Variants in MTHFD1L observed in about 807,000 individuals in gnomAD.
The protein encoded by MTHFD1L is monofunctional C1-tetrahydrofolate synthase, mitochondrial.
MTHFD1L carries 81 observed loss-of-function variants against 119.5 expected under a neutral mutation model. The ratio of observed to expected loss-of-function variants is 0.68; its 90% CI spans 0.57 to 0.82. MTHFD1L has a LOEUF of 0.82. MTHFD1L is among the 40% of genes least tolerant of loss of function. MTHFD1L has a pLI of 0.00. For missense variants in MTHFD1L, 1,125 were observed against 1,253.4 expected (o/e 0.90, Z 1.55); for synonymous variants, 430 against 475.2 (o/e 0.90, Z 1.24).
At chr6:151,067,039 G>C (rs576066092) in intron 26 of MTHFD1L, among the ~76,000 whole-genome samples, 1 of 149,052 alleles carries the variant, frequency 6.7e-6, no homozygotes, top group African/African-American at 2.5e-5. Flanking sequence ...TGTAGCCCAG[G>C]CTGGAGTGCA....
At chr6:150,908,007 C>G (rs1786222259) in intron 8 of MTHFD1L, among the ~76,000 whole-genome samples, 1 of 150,802 alleles carries the variant, frequency 6.6e-6, no homozygotes, top group African/African-American at 2.4e-5. Flanking sequence ...AGGTGATTCT[C>G]CTACCTCAGC....
chr6:150,977,870 G>T (rs1457215029), intron 20 of MTHFD1L, among the ~76,000 whole-genome samples: 3 of 151,358 alleles, frequency 2.0e-5, no homozygotes, highest in Non-Finnish European at 4.4e-5. Context: ...TTAAATATAG[G>T]TTCGTGCATA....
intron 21 of MTHFD1L, among the ~76,000 whole-genome samples, chr6:151,013,101 C>A (rs935309965): frequency 3.3e-5 from 5 of 152,220 alleles, no homozygotes; most frequent in African/African-American, 1.2e-4. Flanking sequence ...AACCACAAGG[C>A]CAGGCACAGT....
chr6:151,089,750 A>G (rs949202470), intron 26 of MTHFD1L, among the ~76,000 whole-genome samples: 2 of 152,224 alleles, frequency 1.3e-5, no homozygotes, highest in African/African-American at 4.8e-5. Flanking sequence ...TTGATGTTTC[A>G]AGTAGTAGAA....
chr6:151,068,871 G>A (rs1052815814), intron 26 of MTHFD1L, among the ~76,000 whole-genome samples: 1 of 152,148 alleles, frequency 6.6e-6, no homozygotes, highest in African/African-American at 2.4e-5. Flanking sequence ...AAAAATAGTA[G>A]CAGTACTCGT....
intron 7 of MTHFD1L, among the ~76,000 whole-genome samples, chr6:150,895,613 G>GTTTT (rs10630027): frequency 4.2e-4 from 56 of 134,438 alleles, no homozygotes; most frequent in African/African-American, 1.5e-3. Flanking sequence ...GTTTTTTGTG[G>GTTTT]TTTTTTTTTT....
At position 150,874,687 on chromosome 6, in the gene MTHFD1L, C is replaced by T. The variant is rs936226043; in HGVS notation, c.228-1403C>T. 1.4e-4 allele frequency among the ~76,000 whole-genome samples: 21 copies of T among 152,240 alleles called. No homozygotes were observed. In the East Asian group the frequency reaches 3.9e-3, roughly 28 times the overall value. On this transcript the variant is annotated intron_variant, in intron 1 of 27. Transcript: ENST00000367321. ...CCCAGTGCTCATGTGCTGCTGAGAA[C>T]ATATCATAGGGTGGTGGCGAAGGTA...
intron 26 of MTHFD1L, among the ~76,000 whole-genome samples, chr6:151,083,617 A>G (rs1057430011): frequency 6.6e-6 from 1 of 152,220 alleles, no homozygotes; most frequent in Non-Finnish European, 1.5e-5. Context: ...TTGTTTCACA[A>G]TTGTCTGTAT....
rs148480818 is a variant in MTHFD1L, at chr6:151,034,506, A to T, written c.2600A>T (p.Asp867Val). 1.9e-4 allele frequency: 305 copies of T among 1,610,156 alleles called. 1 individual carries two copies. In the East Asian group the frequency reaches 6.7e-3, roughly 35 times the overall value. Residue 867 changes from aspartate (D) to valine (V), a missense_variant, in exon 25 of 28, where the codon GAC becomes GTC. Asp to Val is a radical substitution (Grantham distance 152). Around this residue, in one of 3 missense-constraint regions of MTHFD1L, gnomAD observed 1,058 missense variants for 1,151.2 expected, o/e 0.92. Coordinates refer to ENST00000367321, the MANE Select transcript of MTHFD1L (RefSeq NM_015440.5). ...GTGTTTCTCCAGGTTCCAATTGTGGACAAGATAAGGACCATTGCTCAGGCT... is the reference window on the plus strand; with the variant it reads ...GTGTTTCTCCAGGTTCCAATTGTGGTCAAGATAAGGACCATTGCTCAGGCT... ...FLYDVQVPIV[D>V]KIRTIAQAVY...
chr6:150,937,335 G>A (rs1792266188), intron 12 of MTHFD1L, among the ~76,000 whole-genome samples: 1 of 152,188 alleles, frequency 6.6e-6, no homozygotes, highest in African/African-American at 2.4e-5. Flanking sequence ...GAGTTGCTGT[G>A]TGGGGCCCGC....
At chr6:150,924,471 C>T (rs1789572913) in intron 10 of MTHFD1L, among the ~76,000 whole-genome samples, 1 of 151,030 alleles carries the variant, frequency 6.6e-6, no homozygotes, top group South Asian at 2.1e-4. Context: ...CATGCCAGGC[C>T]TGTTTTGTTT....
chr6:150,975,677 G>A (rs1420592507), intron 20 of MTHFD1L, among the ~76,000 whole-genome samples: 1 of 152,198 alleles, frequency 6.6e-6, no homozygotes. Context: ...AGGGGAAGGT[G>A]GCTGCTTGCT....
At chr6:151,055,533 T>G (rs80205453) in intron 26 of MTHFD1L, among the ~76,000 whole-genome samples, 1,610 of 151,224 alleles carry the variant, frequency 0.011, 21 homozygotes, top group African/African-American at 0.036. Context: ...TTTTTTTTTT[T>G]TTTTGTTTTT....
chr6:151,003,668 T>C (rs1355992023), intron 20 of MTHFD1L, among the ~76,000 whole-genome samples: 3 of 152,190 alleles, frequency 2.0e-5, no homozygotes, highest in African/African-American at 7.2e-5. Context: ...ACACAGATGA[T>C]TGTGTGTAAA....
At chr6:151,018,787 C>T (rs1432185225) in intron 24 of MTHFD1L, among the ~76,000 whole-genome samples, 1 of 152,092 alleles carries the variant, frequency 6.6e-6, no homozygotes, top group Non-Finnish European at 1.5e-5. Flanking sequence ...GGGACATCAT[C>T]GCTGGCACGC....
chr6:150,956,582 T>C (rs1438058537), intron 17 of MTHFD1L, among the ~76,000 whole-genome samples: 2 of 152,244 alleles, frequency 1.3e-5, no homozygotes, highest in Non-Finnish European at 2.9e-5. Context: ...GACTTCATTG[T>C]AATAGATATT....
chr6:150,975,214 A>G (rs1282871193), intron 20 of MTHFD1L, among the ~76,000 whole-genome samples: 2 of 152,352 alleles, frequency 1.3e-5, no homozygotes, highest in East Asian at 1.9e-4. Flanking sequence ...ATCGTGCTCT[A>G]TGATGTCTAA....
chr6:150,921,939 G>A lies in MTHFD1L; in HGVS notation c.985-266G>A, dbSNP rs186056385. 6.6e-4 allele frequency among the ~76,000 whole-genome samples: 101 copies of A among 152,160 alleles called. 2 individuals are homozygous for A. The highest frequency in any genetic ancestry group is 2.6e-4 in the Admixed American group (4 of 15,274). On this transcript the variant is annotated intron_variant, in intron 9 of 27. Transcript: ENST00000367321. ...TTCATGCATGCATATTTAAGAAACA[G>A]AGCAGCTTCTTTTAATACTATCAAA...
chr6:151,076,207 A>G (rs1279937776), intron 26 of MTHFD1L, among the ~76,000 whole-genome samples: 2 of 137,130 alleles, frequency 1.5e-5, no homozygotes, highest in African/African-American at 5.0e-5. Context: ...AATAAAAGAA[A>G]AAGAAAATTA....
Sources: allele counts gnomAD v4.1 joint callset (sites outside exome capture counted in the v4.1 genomes callset), GRCh38; gene constraint gnomAD v4.1.1; regional missense constraint gnomAD v4.1.1; transcripts MANE v1.5; gene names NCBI Gene and HGNC (gene_info 2026-07-23, HGNC 2026-07-21).